The following PNLIPRP1 variants were observed in gnomAD, a reference collection of about 807,000 sequenced individuals.
PNLIPRP1 encodes inactive pancreatic lipase-related protein 1.
In PNLIPRP1, 57 loss-of-function variants were observed where a neutral mutation model predicts 54.6. That is an observed-to-expected ratio of 1.04 (90% confidence interval 0.84 to 1.30). PNLIPRP1 has a LOEUF of 1.30. Among genes scored for constraint, PNLIPRP1 ranks in the 50% most tolerant of loss-of-function variants. PNLIPRP1 has a pLI of 0.00. For missense variants in PNLIPRP1, 567 were observed against 568.5 expected (o/e 1.00, Z 0.03); for synonymous variants, 232 against 208.8 (o/e 1.11, Z -0.96).
chr10:116,591,162 G>A lies in PNLIPRP1; in HGVS notation c.33G>A (p.Leu11=). MLIFWTITLF[L]LGAAKGKEVC... is the part of the protein sequence containing the mutation. ...TCTTCTGGACAATCACACTTTTCCT[G>A]CTGGGAGCAGCCAAAGGTAAGAAAC... The change falls in exon 2 of 13, where the codon CTG becomes CTA. Residue 11 remains leucine, a synonymous_variant. Coordinates refer to ENST00000358834, the MANE Select transcript of PNLIPRP1 (RefSeq NM_006229.4). 1.2e-6 allele frequency: 2 copies of A among 1,613,360 alleles called. No individual in the cohort carries two copies. The highest frequency in any genetic ancestry group is 1.7e-6 in the Non-Finnish European group (2 of 1,179,688).
chr10:116,595,277 C>A (rs1352275203), intron 5 of PNLIPRP1: 2 of 198,898 alleles, frequency 1.0e-5, no homozygotes, highest in South Asian at 1.0e-4. Flanking sequence ...ACGGACAGTA[C>A]GTGCAATTGG....
At position 116,609,122 on chromosome 10, in the gene PNLIPRP1, CG is replaced by C; in HGVS notation, c.*10del. On this transcript the variant is annotated 3_prime_UTR_variant, in exon 13 of 13. Coordinates refer to ENST00000358834, the MANE Select transcript of PNLIPRP1 (RefSeq NM_006229.4). ...TCACCCTCACGCCCTGCTAAGCTCC[CG>C]GGGCGACGAGGCTGCTGCGTTCACA... 6.2e-7 allele frequency: 1 copy of C among 1,603,612 alleles called. No homozygotes were observed. Among genetic ancestry groups the C allele is most frequent in the Non-Finnish European group, 8.5e-7 (1 of 1,173,762 alleles).
chr10:116,603,226 C>T (rs530154613), intron 10 of PNLIPRP1, among the ~76,000 whole-genome samples: 91 of 152,210 alleles, frequency 6.0e-4, no homozygotes, highest in Middle Eastern at 3.4e-3. Context: ...GAAACACAGT[C>T]CCCGCCCTCG....
intron 10 of PNLIPRP1, among the ~76,000 whole-genome samples, chr10:116,603,023 G>GCA (rs1847875077): frequency 2.0e-5 from 3 of 152,100 alleles, no homozygotes; most frequent in African/African-American, 7.2e-5. Context: ...TGTATTGTGT[G>GCA]TGCACATGCA....
chr10:116,600,944 C>A, intron 9 of PNLIPRP1, 128 bp from the exon 10 acceptor site: 1 of 794,812 alleles, frequency 1.3e-6, no homozygotes, highest in Non-Finnish European at 2.0e-6. Flanking sequence ...AGATCATCTG[C>A]TCCAACCCCT....
Position 116,598,075 on chromosome 10 carries a change from T to C in PNLIPRP1, c.723T>C (p.His241=), listed in dbSNP as rs781904574. 6.2e-7 allele frequency: 1 copy of C among 1,614,164 alleles called. No homozygotes were observed. The highest frequency in any genetic ancestry group is 1.7e-5 in the Admixed American group (1 of 60,014). The change falls in exon 8 of 13, where the codon CAT becomes CAC. Residue 241 remains histidine (H), a synonymous_variant. Transcript: ENST00000358834. ...TTGGAACGAACCAACAGATGGGTCATCTTGACTTCTTCCCCAATGGAGGAG... is the reference window on the plus strand; with the variant it reads ...TTGGAACGAACCAACAGATGGGTCACCTTGACTTCTTCCCCAATGGAGGAG... ...LGFGTNQQMG[H]LDFFPNGGES... is the part of the protein sequence containing the mutation.
intron 4 of PNLIPRP1, chr10:116,593,066 G>C (rs1449656083): frequency 5.9e-6 from 1 of 169,938 alleles, no homozygotes; most frequent in Non-Finnish European, 1.3e-5. Flanking sequence ...TACTTGGGAG[G>C]CTGAGGCAGG....
In PNLIPRP1 at chr10:116,592,409, G is replaced by T; in HGVS notation, c.205-7G>T. The stretch of plus-strand genomic sequence containing the variant: ...GAAAACATGAAGCACTTCTGCGTCT[G>T]TCACAGATTCTCCTCCTCTCTGATC... On this transcript the variant is annotated splice_region_variant and splice_polypyrimidine_tract_variant and intron_variant, in intron 3 of 12. Transcript: ENST00000358834. 6.3e-7 allele frequency: 1 copy of T among 1,597,146 alleles called. No homozygotes were observed. The highest frequency in any genetic ancestry group is 8.6e-7 in the Non-Finnish European group (1 of 1,169,336).
At chr10:116,595,656 C>T (rs910690156) in intron 5 of PNLIPRP1, 2 of 153,022 alleles carry the variant, frequency 1.3e-5, no homozygotes, top group African/African-American at 4.8e-5. Context: ...TTCACCAGTA[C>T]TTTTGGAGCA....
At position 116,592,882 on chromosome 10, in the gene PNLIPRP1, G is replaced by A. The variant is rs1473596617; in HGVS notation, c.330+341G>A. On this transcript the variant is annotated intron_variant, in intron 4 of 12. Coordinates refer to ENST00000358834, the MANE Select transcript of PNLIPRP1 (RefSeq NM_006229.4). ...CAAATTTTTCCCACATCCCTGAGAG[G>A]CTGACATGTGTTGCTGTGACCACTT... is the stretch of plus-strand genomic sequence containing the variant. 1.4e-5 allele frequency: 5 copies of A among 369,332 alleles called. No individual in the cohort carries two copies. The East Asian group carries it at 2.1e-4, about 16-fold the overall frequency. 22.9% of individuals were successfully genotyped at this position (369,332 alleles called of 1,614,324 possible).
At chr10:116,600,550 G>A (rs1255598460) in intron 9 of PNLIPRP1, 1 of 181,808 alleles carries the variant, frequency 5.5e-6, no homozygotes, top group Non-Finnish European at 1.2e-5. Context: ...TCACACCAGA[G>A]AGAAAGCAAG....
In PNLIPRP1 at chr10:116,605,632, C is replaced by T. The variant is rs530184768; in HGVS notation, c.1340+79C>T. On this transcript the variant is annotated intron_variant, in intron 12 of 12. Coordinates refer to ENST00000358834, the MANE Select transcript of PNLIPRP1 (RefSeq NM_006229.4). ...AATGAAAACCCACCCTAGAAAGTTA[C>T]GTGTAGTTAAGCAAGAAAAGCCAAG... 149 of 1,113,890 alleles carry T rather than the reference C, an allele frequency of 1.3e-4. 1 individual carries two copies. In the South Asian group the frequency reaches 2.0e-3, roughly 15 times the overall value. 69.0% of individuals were successfully genotyped at this position (1,113,890 alleles called of 1,614,324 possible). A position where few individuals can be genotyped will look rare whatever the true frequency, so the allele number is the denominator to read the frequency against.
At chr10:116,602,957 G>A (rs111843891) in intron 10 of PNLIPRP1, among the ~76,000 whole-genome samples, 1 of 133,216 alleles carries the variant, frequency 7.5e-6, no homozygotes, top group South Asian at 2.4e-4. Flanking sequence ...GTGTGCACAT[G>A]CACATGTTGT....
Position 116,600,467 on chromosome 10 carries a change from C to G in PNLIPRP1, c.933+302C>G, listed in dbSNP as rs554550160. The G allele has an allele frequency of 1.8e-4, 49 of 274,466 alleles. No homozygotes were observed. In the South Asian group the frequency reaches 2.6e-3, roughly 15 times the overall value. 17.0% of individuals were successfully genotyped at this position (274,466 alleles called of 1,614,324 possible). On this transcript the variant is annotated intron_variant, in intron 9 of 12. Coordinates refer to ENST00000358834, the MANE Select transcript of PNLIPRP1 (RefSeq NM_006229.4). ...CTCTGAATCTAGCTTAAAAATGATA[C>G]AGTTTAGAAAACACAGGAATGCACA...
Position 116,609,051 on chromosome 10 carries a change from A to G in PNLIPRP1, c.1341-2A>G. 6.2e-7 allele frequency: 1 copy of G among 1,609,576 alleles called. No individual in the cohort carries two copies. Among genetic ancestry groups the G allele is most frequent in the South Asian group, 1.1e-5 (1 of 90,994 alleles). ...TCTTACAAAGCTTCCTTTTCTCCCC[A>G]GGTACAACTTCTGTAGCGAAGACAC... On this transcript the variant is annotated splice_acceptor_variant, in intron 12 of 12. Coordinates refer to ENST00000358834, the MANE Select transcript of PNLIPRP1 (RefSeq NM_006229.4). LOFTEE classifies it high-confidence loss of function.
chr10:116,596,110 G>A, intron 5 of PNLIPRP1, 104 bp from the exon 6 acceptor site: 2 of 756,784 alleles, frequency 2.6e-6, no homozygotes, highest in Non-Finnish European at 4.6e-6. Context: ...TGAAGGCAAT[G>A]AGAGGCATGG....
Position 116,609,120 on chromosome 10 carries a change from C to T in PNLIPRP1, c.*4C>T. Reference sequence around the variant, plus strand: ...GCTCACCCTCACGCCCTGCTAAGCTCCCGGGGCGACGAGGCTGCTGCGTTC... The same window carrying T: ...GCTCACCCTCACGCCCTGCTAAGCTTCCGGGGCGACGAGGCTGCTGCGTTC... On this transcript the variant is annotated 3_prime_UTR_variant, in exon 13 of 13. Coordinates refer to ENST00000358834, the MANE Select transcript of PNLIPRP1 (RefSeq NM_006229.4). The T allele has an allele frequency of 3.1e-6, 5 of 1,603,162 alleles. No homozygotes were observed. Among genetic ancestry groups the T allele is most frequent in the Non-Finnish European group, 4.3e-6 (5 of 1,172,930 alleles).
intron 4 of PNLIPRP1, chr10:116,594,482 G>A: frequency 1.7e-6 from 1 of 575,864 alleles, no homozygotes; most frequent in Non-Finnish European, 3.1e-6. Flanking sequence ...TACTGAATTT[G>A]GTTGAAGGAA....
At position 116,596,301 on chromosome 10, in the gene PNLIPRP1, C is replaced by G; in HGVS notation, c.553C>G (p.Pro185Ala). 1 of 1,612,424 alleles carries G rather than the reference C, an allele frequency of 6.2e-7. No individual in the cohort carries two copies. The highest frequency in any genetic ancestry group is 8.5e-7 in the Non-Finnish European group (1 of 1,178,440). Residue 185 changes from proline to alanine, a missense_variant, in exon 6 of 13, where the codon CCA becomes GCA. By Grantham distance (27) the Pro-to-Ala change is conservative. Transcript: ENST00000358834. ...HVAGEAGSKT[P>A]GLSRITGLDP... The stretch of plus-strand genomic sequence containing the variant: ...GGCTGGAGAGGCAGGAAGCAAGACT[C>G]CAGGCCTGAGCAGGATTACAGGTAA...
Sources: gnomAD v4.1 joint callset for allele counts (sites outside exome capture counted in the v4.1 genomes callset) on GRCh38, gnomAD v4.1.1 for gene constraint, MANE v1.5 for transcripts, NCBI Gene and HGNC (gene_info 2026-07-23, HGNC 2026-07-21) for gene names.